Variants in PIEZO2 observed in about 807,000 individuals in gnomAD.
The protein encoded by PIEZO2 is piezo type mechanosensitive ion channel component 2.
PIEZO2 carries 172 observed loss-of-function variants against 337.3 expected under a neutral mutation model. The ratio of observed to expected loss-of-function variants is 0.51; its 90% CI spans 0.45 to 0.58. The LOEUF is 0.58. PIEZO2 is among the 20% of genes least tolerant of loss of function. The pLI is 0.00. For missense variants in PIEZO2, 3,028 were observed against 3,391.3 expected (o/e 0.89, Z 2.66); for synonymous variants, 1,251 against 1,228.5 (o/e 1.02, Z -0.38).
At chr18:11,103,581 T>A (rs1413806680) in intron 1 of PIEZO2, among the ~76,000 whole-genome samples, 1 of 152,200 alleles carries the variant, frequency 6.6e-6, no homozygotes. Flanking sequence ...TAACAATCCC[T>A]TTATAACAAT....
At chr18:11,000,747 T>A (rs2145604827) in intron 2 of PIEZO2, among the ~76,000 whole-genome samples, 1 of 152,314 alleles carries the variant, frequency 6.6e-6, no homozygotes, top group South Asian at 2.1e-4. Flanking sequence ...GATTCTGAGA[T>A]GGAGACTGAG....
chr18:10,875,094 C>T (rs78505851), intron 4 of PIEZO2, among the ~76,000 whole-genome samples: 1 of 151,916 alleles, frequency 6.6e-6, no homozygotes, highest in Non-Finnish European at 1.5e-5. Flanking sequence ...ACAATTATTA[C>T]AAATCAACTT....
chr18:11,087,060 T>C (rs1181558911), intron 1 of PIEZO2, among the ~76,000 whole-genome samples: 1 of 151,956 alleles, frequency 6.6e-6, no homozygotes, highest in Non-Finnish European at 1.5e-5. Context: ...ACACGTGGAG[T>C]CCTTGTGAGT....
intron 2 of PIEZO2, among the ~76,000 whole-genome samples, chr18:11,004,967 A>G (rs2035668337): frequency 6.6e-6 from 1 of 152,238 alleles, no homozygotes; most frequent in African/African-American, 2.4e-5. Flanking sequence ...GTGCCATTAA[A>G]TATTGACTGA....
intron 5 of PIEZO2, among the ~76,000 whole-genome samples, chr18:10,866,306 GAC>G (rs2042003837): frequency 7.1e-6 from 1 of 141,180 alleles, no homozygotes; most frequent in Non-Finnish European, 1.5e-5. Flanking sequence ...TTTTTTTTGA[GAC>G]AGAGTCCCAC....
chr18:10,833,310 A>G lies in PIEZO2; in HGVS notation c.917+22043T>C, dbSNP rs2040907357. Among the ~76,000 whole-genome samples the G allele has an allele frequency of 6.6e-6, 1 of 151,780 alleles. No homozygotes were observed. Among genetic ancestry groups the G allele is most frequent in the African/African-American group, 2.4e-5 (1 of 41,270 alleles). On this transcript the variant is annotated intron_variant, in intron 7 of 55. Transcript: ENST00000674853. The surrounding 1 kb of genome is among the most constrained non-coding windows in gnomAD (Gnocchi z 4.7). ...AGTTCTGACGCACTGGGATTCACTT[A>G]TTTTTCCTGTGTTCTCTTTTCTTCT...
At chr18:10,790,719 T>TTC (rs1401880312) in intron 14 of PIEZO2, among the ~76,000 whole-genome samples, 1 of 151,502 alleles carries the variant, frequency 6.6e-6, no homozygotes, top group Non-Finnish European at 1.5e-5. Context: ...TTTTTTTTTT[T>TTC]TTTTGAGAGG....
At chr18:10,801,943 G>A (rs958297074) in intron 9 of PIEZO2, among the ~76,000 whole-genome samples, 6 of 151,910 alleles carry the variant, frequency 3.9e-5, no homozygotes, top group East Asian at 1.9e-4. Flanking sequence ...AAAATTAGCC[G>A]GGCGTCGTGG....
intron 2 of PIEZO2, among the ~76,000 whole-genome samples, chr18:11,052,763 AT>A (rs1429475205): frequency 2.6e-5 from 4 of 152,240 alleles, no homozygotes; most frequent in African/African-American, 9.6e-5. Context: ...GGTGAAAGAA[AT>A]AATTGGTCAC....
chr18:10,788,964 G>T, intron 15 of PIEZO2, 115 bp downstream of exon 15: 1 of 1,175,806 alleles, frequency 8.5e-7, no homozygotes, highest in Non-Finnish European at 1.2e-6. Flanking sequence ...TTTGAATCTT[G>T]CCAATCACTT....
chr18:10,971,673 T>C (rs191508280), intron 3 of PIEZO2, among the ~76,000 whole-genome samples: 201 of 152,326 alleles, frequency 1.3e-3, no homozygotes, highest in Non-Finnish European at 2.5e-3. Flanking sequence ...CCATTCATAC[T>C]TTAACCAGAG....
At chr18:11,046,215 T>A (rs1176265818) in intron 2 of PIEZO2, among the ~76,000 whole-genome samples, 2 of 152,198 alleles carry the variant, frequency 1.3e-5, no homozygotes, top group Non-Finnish European at 2.9e-5. Flanking sequence ...TTGTGAAAGC[T>A]CTAGCTGCTG....
chr18:11,082,943 G>A (rs1485150128), intron 1 of PIEZO2, among the ~76,000 whole-genome samples: 3 of 152,170 alleles, frequency 2.0e-5, no homozygotes, highest in Admixed American at 6.5e-5. Context: ...AAACACATAG[G>A]ATGCAGGAAT....
At chr18:10,764,377 C>T (rs2038265623) in intron 21 of PIEZO2, among the ~76,000 whole-genome samples, 2 of 152,104 alleles carry the variant, frequency 1.3e-5, no homozygotes, top group Non-Finnish European at 2.9e-5. Flanking sequence ...TGAGGTGGCT[C>T]ACGCCTGTAA....
rs1555648288 is a variant in PIEZO2, at chr18:10,795,003, C to T, written c.1528-1G>A. ...AGCTGTGATAGGTGATGCTCCAGGC[C>T]TCCGGAGGACAGAAAAGGAAACACG... On this transcript the variant is annotated splice_acceptor_variant, in intron 12 of 55. Coordinates refer to ENST00000674853, the MANE Select transcript of PIEZO2 (RefSeq NM_001378183.1). LOFTEE classifies it high-confidence loss of function. The surrounding 1 kb of genome is among the most constrained non-coding windows in gnomAD (Gnocchi z 4.4). The T allele has an allele frequency of 1.9e-6, 3 of 1,546,860 alleles. No individual in the cohort carries two copies. Among genetic ancestry groups the T allele is most frequent in the Non-Finnish European group, 2.6e-6 (3 of 1,146,760 alleles).
At chr18:10,708,694 G>A (rs187486682) in intron 39 of PIEZO2, among the ~76,000 whole-genome samples, 77 of 152,248 alleles carry the variant, frequency 5.1e-4, no homozygotes, top group African/African-American at 1.7e-3. Flanking sequence ...CTCTGGGTGG[G>A]ACTAAGAAAC....
chr18:10,994,314 T>C (rs1405911910), intron 2 of PIEZO2, among the ~76,000 whole-genome samples: 1 of 152,182 alleles, frequency 6.6e-6, no homozygotes, highest in East Asian at 1.9e-4. Flanking sequence ...GCAAGTATCT[T>C]TCTCGTACAA....
At chr18:11,093,946 AC>A (rs2039180786) in intron 1 of PIEZO2, among the ~76,000 whole-genome samples, 1 of 151,332 alleles carries the variant, frequency 6.6e-6, no homozygotes, top group African/African-American at 2.4e-5. Flanking sequence ...AAAATTATTC[AC>A]GTTTTCAACT....
At chr18:10,835,035 C>A (rs182517086) in intron 7 of PIEZO2, among the ~76,000 whole-genome samples, 85 of 152,238 alleles carry the variant, frequency 5.6e-4, no homozygotes, top group African/African-American at 1.9e-3. Context: ...TGAAAGGGAC[C>A]CAGAGAGCTC....
Sources: allele counts gnomAD v4.1 joint callset (sites outside exome capture counted in the v4.1 genomes callset), GRCh38; gene constraint gnomAD v4.1.1; non-coding constraint Gnocchi (gnomAD v3.1); transcripts MANE v1.5; gene names NCBI Gene and HGNC (gene_info 2026-07-23, HGNC 2026-07-21).